ARF3: variants seen among roughly 807,000 people sequenced by gnomAD.
ARF3 encodes the protein ADP-ribosylation factor 3.
A neutral mutation model predicts 19.3 loss-of-function variants in ARF3; 5 were observed. The observed-to-expected ratio is 0.26, with a 90% CI of 0.14 to 0.54. The LOEUF is 0.54. Among genes scored for constraint, ARF3 ranks in the 20% least tolerant of loss-of-function variants. The probability of loss-of-function intolerance (pLI) is 0.95; values close to 1 mark genes in which losing one functional copy is unlikely to be tolerated. For missense variants in ARF3, 77 were observed against 234.2 expected, an observed-to-expected ratio of 0.33 and a Z score of 4.38; for synonymous variants, 71 against 89.2, an observed-to-expected ratio of 0.80 and a Z score of 1.15.
Position 48,938,911 on chromosome 12 carries a change from G to A in ARF3, c.*36C>T, listed in dbSNP as rs1358932535. The A allele has an allele frequency of 1.9e-6, 3 of 1,603,266 alleles. No homozygotes were observed. The Admixed American group carries it at 5.0e-5, about 27-fold the overall frequency. ...GGCAGGGTGACAGTAGGTATGTCAG[G>A]GGTGGGTGGGGTGCTTTGTTAGGGC... On this transcript the variant is annotated 3_prime_UTR_variant, in exon 5 of 5. Coordinates refer to ENST00000256682, the MANE Select transcript of ARF3 (RefSeq NM_001659.3).
chr12:48,943,091 G>A (rs1328539497), intron 1 of ARF3, among the ~76,000 whole-genome samples: 2 of 152,012 alleles, frequency 1.3e-5, no homozygotes, highest in African/African-American at 2.4e-5. Context: ...TGGGTGACAG[G>A]GCGAGAATCC....
Position 48,935,938 on chromosome 12 carries a change from G to T in ARF3, c.*3009C>A, listed in dbSNP as rs1323285826. 1 of 152,194 alleles carries T rather than the reference G, an allele frequency of 6.6e-6. No homozygotes were observed. The highest frequency in any genetic ancestry group is 1.5e-5 in the Non-Finnish European group (1 of 68,042). The allele number at this position is 152,194 out of a possible 1,614,324, so 9.4% of individuals were successfully genotyped here. A position where few individuals can be genotyped will look rare whatever the true frequency, so the allele number is the denominator to read the frequency against. On this transcript the variant is annotated 3_prime_UTR_variant, in exon 5 of 5. Coordinates refer to ENST00000256682, the MANE Select transcript of ARF3 (RefSeq NM_001659.3). ...GCTGATTTCAGGTTTAAACCCTTTAGAACTAGAGGAGGAAAGTCACGAAGC... is the reference window on the plus strand; with the variant it reads ...GCTGATTTCAGGTTTAAACCCTTTATAACTAGAGGAGGAAAGTCACGAAGC...
chr12:48,950,575 T>TG (rs1343039477), intron 1 of ARF3, among the ~76,000 whole-genome samples: 1 of 152,172 alleles, frequency 6.6e-6, no homozygotes, highest in Non-Finnish European at 1.5e-5. Context: ...TAGCGTTAAG[T>TG]ACATTCACAC....
At position 48,939,945 on chromosome 12, in the gene ARF3, C is replaced by T. The variant is rs2137576809; in HGVS notation, c.259+52G>A. ...ACAGTTGGCCACCCATTAACAAAGA[C>T]AGCCACACTCTCTGCTCATACCCAA... On this transcript the variant is annotated intron_variant, in intron 3 of 4. Transcript: ENST00000256682. The surrounding 1 kb of genome is among the most constrained non-coding windows in gnomAD (Gnocchi z 4.8). 1 of 1,591,422 alleles carries T rather than the reference C, an allele frequency of 6.3e-7. No individual in the cohort carries two copies. Among genetic ancestry groups the T allele is most frequent in the Non-Finnish European group, 8.6e-7 (1 of 1,159,592 alleles).
rs771460357 is a variant in ARF3 at position 48,939,778 on chromosome 12, C to A, written c.261G>T (p.Gly87=). The part of the protein sequence containing the change: ...LWRHYFQNTQ[G]LIFVVDSNDR... The stretch of plus-strand genomic sequence containing the variant: ...CATTGCTGTCGACCACAAATATCAA[C>A]CCTAGGAAGGCAGAGCATGGGCTGC... The change falls in exon 4 of 5, where the codon GGG becomes GGT. Residue 87 remains glycine (G), a splice_region_variant and synonymous_variant. Coordinates refer to ENST00000256682, the MANE Select transcript of ARF3 (RefSeq NM_001659.3). This position sits in a 1 kb window ranked among gnomAD's most constrained non-coding sequence, Gnocchi z 4.8. 1 of 1,613,862 alleles carries A rather than the reference C, an allele frequency of 6.2e-7. No individual in the cohort carries two copies. Among genetic ancestry groups the A allele is most frequent in the African/African-American group, 1.3e-5 (1 of 74,888 alleles).
At chr12:48,950,052 C>A (rs1940435900) in intron 1 of ARF3, among the ~76,000 whole-genome samples, 1 of 152,114 alleles carries the variant, frequency 6.6e-6, no homozygotes, top group Non-Finnish European at 1.5e-5. Context: ...TAAACTTTTT[C>A]TTTTTTAGAG....
At chr12:48,951,669 C>A (rs1940474617) in intron 1 of ARF3, among the ~76,000 whole-genome samples, 2 of 152,072 alleles carry the variant, frequency 1.3e-5, no homozygotes, top group African/African-American at 4.8e-5. Flanking sequence ...CACCTGAGAT[C>A]GGGAGTTCGA....
At position 48,937,940 on chromosome 12, in the gene ARF3, T is replaced by C. The variant is rs1035926872; in HGVS notation, c.*1007A>G. 3.1e-5 allele frequency: 5 copies of C among 160,108 alleles called. No individual in the cohort carries two copies. In the East Asian group the frequency reaches 7.3e-4, roughly 23 times the overall value. 9.9% of individuals were successfully genotyped at this position (160,108 alleles called of 1,614,324 possible). A position where few individuals can be genotyped will look rare whatever the true frequency, so the allele number is the denominator to read the frequency against. On this transcript the variant is annotated 3_prime_UTR_variant, in exon 5 of 5. Coordinates refer to ENST00000256682, the MANE Select transcript of ARF3 (RefSeq NM_001659.3). ...TCCTAATAACAAAAGAGAATGAAGA[T>C]GGAAAACCTCAGGCCTTCGCCTCCC...
intron 1 of ARF3, among the ~76,000 whole-genome samples, chr12:48,956,833 G>T (rs765930361): frequency 4.6e-5 from 7 of 152,170 alleles, no homozygotes; most frequent in Non-Finnish European, 1.0e-4. Context: ...ACGCACCCCT[G>T]CCCTATGATG....
chr12:48,944,806 T>G (rs1023261938), intron 1 of ARF3, among the ~76,000 whole-genome samples: 1 of 152,174 alleles, frequency 6.6e-6, no homozygotes, highest in Non-Finnish European at 1.5e-5. Context: ...TTGGTGGGAT[T>G]CTCTCTTGCC....
At chr12:48,950,730 A>C (rs1476928370) in intron 1 of ARF3, among the ~76,000 whole-genome samples, 2 of 151,092 alleles carry the variant, frequency 1.3e-5, no homozygotes, top group Admixed American at 1.3e-4. Flanking sequence ...TGAATCTGTT[A>C]CTCTAGGTAC....
intron 1 of ARF3, among the ~76,000 whole-genome samples, chr12:48,943,361 T>C (rs1940299590): frequency 1.3e-5 from 2 of 152,182 alleles, no homozygotes; most frequent in South Asian, 4.1e-4. Context: ...ACCAGTTCTC[T>C]GTGCCTGCAG....
In ARF3 at chr12:48,941,111, T is replaced by C. The variant is rs1217857300; in HGVS notation, c.-16A>G. 3 of 1,605,428 alleles carry C rather than the reference T, an allele frequency of 1.9e-6. No individual in the cohort carries two copies. The highest frequency in any genetic ancestry group is 1.3e-5 in the African/African-American group (1 of 74,578). On this transcript the variant is annotated 5_prime_UTR_variant, in exon 2 of 5. Coordinates refer to ENST00000256682, the MANE Select transcript of ARF3 (RefSeq NM_001659.3). Reference sequence around the variant, plus strand: ...TATTGCCCATGATCACAGCAGCTGCTTTCTGGGGACAGTGGGGCCCAAGTA... The same window carrying C: ...TATTGCCCATGATCACAGCAGCTGCCTTCTGGGGACAGTGGGGCCCAAGTA...
At chr12:48,944,481 CTTTTA>C (rs988045340) in intron 1 of ARF3, among the ~76,000 whole-genome samples, 2 of 152,194 alleles carry the variant, frequency 1.3e-5, no homozygotes, top group Non-Finnish European at 2.9e-5. Flanking sequence ...AGTTTTTCTT[CTTTTA>C]TAAGTCTGTG....
intron 1 of ARF3, among the ~76,000 whole-genome samples, chr12:48,943,743 T>C (rs1486485754): frequency 6.6e-6 from 1 of 152,172 alleles, no homozygotes; most frequent in Non-Finnish European, 1.5e-5. Context: ...AAGTGTTTCA[T>C]CTTCAAAAGG....
At chr12:48,951,926 G>A (rs892290177) in intron 1 of ARF3, among the ~76,000 whole-genome samples, 7 of 151,582 alleles carry the variant, frequency 4.6e-5, no homozygotes, top group East Asian at 1.9e-4. Context: ...ATAAAATAGC[G>A]GGCAGAAAAG....
intron 1 of ARF3, 146 bp from the exon 2 acceptor site, chr12:48,941,334 A>G: frequency 4.6e-6 from 2 of 435,878 alleles, no homozygotes; most frequent in Non-Finnish European, 8.1e-6. Context: ...ACTCAGATAC[A>G]TACTGAGTCT....
Position 48,939,862 on chromosome 12 carries a change from TC to T in ARF3, c.260-84del. 4 of 1,602,678 alleles carry T rather than the reference TC, an allele frequency of 2.5e-6. No individual in the cohort carries two copies. The highest frequency in any genetic ancestry group is 3.4e-6 in the Non-Finnish European group (4 of 1,171,374). The stretch of plus-strand genomic sequence containing the variant: ...AAAAGACCACACCTGCCTGACACCC[TC>T]CAAATATTTGCTCCCTTTCCTCCCT... On this transcript the variant is annotated intron_variant, in intron 3 of 4. Coordinates refer to ENST00000256682, the MANE Select transcript of ARF3 (RefSeq NM_001659.3). The surrounding 1 kb of genome is among the most constrained non-coding windows in gnomAD (Gnocchi z 4.8).
intron 1 of ARF3, among the ~76,000 whole-genome samples, chr12:48,946,889 T>G (rs1347360122): frequency 1.3e-5 from 2 of 152,204 alleles, no homozygotes; most frequent in East Asian, 3.8e-4. Context: ...GATCCAAGAA[T>G]GTGCTATGAG....
Sources: allele counts gnomAD v4.1 joint callset (sites outside exome capture counted in the v4.1 genomes callset), GRCh38; gene constraint gnomAD v4.1.1; non-coding constraint Gnocchi (gnomAD v3.1); transcripts MANE v1.5; gene names NCBI Gene and HGNC (gene_info 2026-07-23, HGNC 2026-07-21).